The following DARS1 variants were observed in gnomAD, a reference collection of about 807,000 sequenced individuals.
DARS1 encodes aspartyl-tRNA synthetase 1, also known as aspartate--tRNA ligase, cytoplasmic.
DARS1 carries 51 observed loss-of-function variants against 68.8 expected under a neutral mutation model. That is an observed-to-expected ratio of 0.74 (90% confidence interval 0.59 to 0.94). The LOEUF is 0.94. Ranked by LOEUF, DARS1 falls within the 40% of genes least tolerant of loss-of-function variation. DARS1 has a pLI of 0.00. For synonymous variants in DARS1, 203 were observed against 190.4 expected (o/e 1.07, Z -0.55); for missense variants, 607 against 597.3 (o/e 1.02, Z -0.17).
intron 7 of DARS1, among the ~76,000 whole-genome samples, chr2:135,929,734 T>C (rs1046157205): frequency 1.3e-5 from 2 of 152,214 alleles, no homozygotes; most frequent in African/African-American, 4.8e-5. Context: ...AAATATGTAT[T>C]GAAAGTAATG....
At chr2:135,967,977 C>T (rs540392983) in intron 3 of DARS1, among the ~76,000 whole-genome samples, 4 of 152,120 alleles carry the variant, frequency 2.6e-5, no homozygotes, top group African/African-American at 4.8e-5. Context: ...ACACAATCTA[C>T]GGCCGGGGGC....
intron 3 of DARS1, among the ~76,000 whole-genome samples, chr2:135,966,230 G>A (rs148268703): frequency 1.2e-3 from 180 of 151,696 alleles, no homozygotes; most frequent in African/African-American, 3.8e-3. Context: ...GCAGGGAAGA[G>A]ACTGTGGTGA....
intron 6 of DARS1, among the ~76,000 whole-genome samples, chr2:135,933,462 A>G (rs1476357526): frequency 6.6e-6 from 1 of 152,212 alleles, no homozygotes; most frequent in Non-Finnish European, 1.5e-5. Flanking sequence ...CATCCGAAGG[A>G]TGAGGGAGCT....
intron 4 of DARS1, among the ~76,000 whole-genome samples, chr2:135,947,577 C>T (rs1469710412): frequency 6.6e-6 from 1 of 151,882 alleles, no homozygotes; most frequent in African/African-American, 2.4e-5. Context: ...TCACAAAGGC[C>T]TACACGGTAG....
At chr2:135,925,050 G>C (rs1302449134) in intron 7 of DARS1, among the ~76,000 whole-genome samples, 1 of 152,074 alleles carries the variant, frequency 6.6e-6, no homozygotes, top group Non-Finnish European at 1.5e-5. Context: ...TTTCCAATGT[G>C]GTACATAAAA....
At chr2:135,952,452 AAT>A (rs1483145889) in intron 4 of DARS1, among the ~76,000 whole-genome samples, 2 of 152,198 alleles carry the variant, frequency 1.3e-5, no homozygotes, top group Admixed American at 6.5e-5. Context: ...GCTGTTTTGA[AAT>A]ATGCAATATT....
At chr2:135,949,026 T>G (rs1034311651) in intron 4 of DARS1, among the ~76,000 whole-genome samples, 3 of 152,122 alleles carry the variant, frequency 2.0e-5, no homozygotes, top group African/African-American at 4.8e-5. Flanking sequence ...GAAACATACT[T>G]GTGACTCATC....
At chr2:135,918,477 CA>C (rs1196957113) in intron 10 of DARS1, among the ~76,000 whole-genome samples, 2 of 151,986 alleles carry the variant, frequency 1.3e-5, no homozygotes, top group African/African-American at 4.8e-5. Flanking sequence ...TCAGATAACC[CA>C]ATAAACAAGC....
intron 4 of DARS1, among the ~76,000 whole-genome samples, chr2:135,961,176 G>C (rs1682092143): frequency 6.6e-6 from 1 of 152,206 alleles, no homozygotes; most frequent in African/African-American, 2.4e-5. Context: ...TGTCTGTAGA[G>C]AGTGCTGCTT....
At chr2:135,966,610 CA>C (rs1682242075) in intron 3 of DARS1, among the ~76,000 whole-genome samples, 1 of 152,204 alleles carries the variant, frequency 6.6e-6, no homozygotes, top group Non-Finnish European at 1.5e-5. Flanking sequence ...ACGATGACTG[CA>C]ACCTCTGCCT....
chr2:135,912,526 G>T lies in DARS1; in HGVS notation c.1190C>A (p.Ala397Asp). The T allele has an allele frequency of 9.0e-7, 1 of 1,116,308 alleles. No individual in the cohort carries two copies. The highest frequency in any genetic ancestry group is 1.3e-6 in the Non-Finnish European group (1 of 741,122). The allele number at this position is 1,116,308 out of a possible 1,614,324, so 69.2% of individuals were successfully genotyped here. Reference sequence around the variant, plus strand: ...AGGCATGGTATAGAAAGGTCTTACAGCCAATGGATATTTATCAAGAATATA... The same window carrying T: ...AGGCATGGTATAGAAAGGTCTTACATCCAATGGATATTTATCAAGAATATA... The part of the protein sequence containing the change: ...DFYILDKYPL[A>D]VRPFYTMPDP... Residue 397 changes from alanine to aspartate, a missense_variant, in exon 13 of 16, where the codon GCT (alanine) becomes GAT (aspartate). Coordinates refer to ENST00000264161, the MANE Select transcript of DARS1 (RefSeq NM_001349.4).
intron 10 of DARS1, among the ~76,000 whole-genome samples, chr2:135,916,808 A>G (rs1393043949): frequency 2.0e-5 from 3 of 152,156 alleles, no homozygotes; most frequent in Admixed American, 6.5e-5. Context: ...TCTATAGTAC[A>G]ATGCCTACCC....
chr2:135,928,201 A>G (rs897058760), intron 7 of DARS1, among the ~76,000 whole-genome samples: 2 of 152,120 alleles, frequency 1.3e-5, no homozygotes, highest in Non-Finnish European at 2.9e-5. Context: ...GATACCCACT[A>G]TATCTTTTGC....
intron 3 of DARS1, among the ~76,000 whole-genome samples, chr2:135,969,539 A>G (rs1399842845): frequency 1.3e-5 from 2 of 151,924 alleles, no homozygotes; most frequent in African/African-American, 2.4e-5. Flanking sequence ...TTAGAATAGA[A>G]TTTTCCAGTT....
At chr2:135,935,532 G>A (rs539295134) in intron 5 of DARS1, among the ~76,000 whole-genome samples, 1 of 152,130 alleles carries the variant, frequency 6.6e-6, no homozygotes, top group African/African-American at 2.4e-5. Context: ...CCTGGGAGGT[G>A]GAGGTTGCAA....
chr2:135,970,876 C>T (rs1477314047), intron 3 of DARS1, among the ~76,000 whole-genome samples: 1 of 152,054 alleles, frequency 6.6e-6, no homozygotes, highest in South Asian at 2.1e-4. Context: ...TAGACACATA[C>T]AACCTACCAA....
At chr2:135,920,748 T>C in intron 9 of DARS1, 148 bp from the exon 10 acceptor site, 1 of 1,074,952 alleles carries the variant, frequency 9.3e-7, no homozygotes, top group Non-Finnish European at 1.2e-6. Flanking sequence ...AACCATCTGT[T>C]TGAGCATTAT....
intron 3 of DARS1, among the ~76,000 whole-genome samples, chr2:135,978,285 AAC>A (rs771562437): frequency 3.3e-5 from 5 of 152,182 alleles, no homozygotes; most frequent in Non-Finnish European, 5.9e-5. Context: ...AATATTATAA[AAC>A]ACAATTAAAA....
At chr2:135,952,913 CATA>C (rs1203765663) in intron 4 of DARS1, among the ~76,000 whole-genome samples, 1 of 152,128 alleles carries the variant, frequency 6.6e-6, no homozygotes, top group Non-Finnish European at 1.5e-5. Flanking sequence ...ATTACTGGAT[CATA>C]TGGTAGTTCT....
Sources: allele counts gnomAD v4.1 joint callset (sites outside exome capture counted in the v4.1 genomes callset), GRCh38; gene constraint gnomAD v4.1.1; transcripts MANE v1.5; gene names NCBI Gene and HGNC (gene_info 2026-07-23, HGNC 2026-07-21).